Variants in STK38 observed in about 807,000 individuals in gnomAD.
STK38 encodes serine/threonine-protein kinase 38.
A neutral mutation model predicts 59.0 loss-of-function variants in STK38; 26 were observed. The ratio of observed to expected loss-of-function variants is 0.44; its 90% CI spans 0.32 to 0.61. The LOEUF (loss-of-function observed/expected upper bound fraction) is 0.61, where lower values mean the gene tolerates loss of function less well. Among genes scored for constraint, STK38 ranks in the 20% least tolerant of loss-of-function variants. The pLI, the probability that STK38 is intolerant of heterozygous loss-of-function variation, is 0.04. For missense variants in STK38, 433 were observed against 566.0 expected, an observed-to-expected ratio of 0.76 and a Z score of 2.38; for synonymous variants, 175 against 176.6, an observed-to-expected ratio of 0.99 and a Z score of 0.07.
chr6:36,517,721 A>T lies in STK38; in HGVS notation c.510T>A (p.Pro170=). The T allele has an allele frequency of 6.2e-7, 1 of 1,612,974 alleles. No homozygotes were observed. The highest frequency in any genetic ancestry group is 8.5e-7 in the Non-Finnish European group (1 of 1,179,422). ...LNLYLIMEFL[P]GGDMMTLLMK... ...CTTTCATCGTCAAGTAATTACCTCC[A>T]GGCAGGAACTCCATGATTAGGTAGA... The change falls in exon 6 of 14, where the codon CCT becomes CCA. Residue 170 remains proline, a synonymous_variant. Transcript: ENST00000229812.
chr6:36,514,128 C>T (rs1433951624), intron 7 of STK38, among the ~76,000 whole-genome samples: 1 of 142,014 alleles, frequency 7.0e-6, no homozygotes, highest in African/African-American at 2.7e-5. Flanking sequence ...GCACTCCAGC[C>T]TGGGCGACAG....
At chr6:36,512,768 C>G (rs1234879530) in intron 7 of STK38, among the ~76,000 whole-genome samples, 1 of 151,528 alleles carries the variant, frequency 6.6e-6, no homozygotes, top group Non-Finnish European at 1.5e-5. Flanking sequence ...CAAGCTGATT[C>G]TCCTGCCTCA....
At chr6:36,531,944 AAC>A (rs1276357357) in intron 2 of STK38, among the ~76,000 whole-genome samples, 2 of 152,114 alleles carry the variant, frequency 1.3e-5, no homozygotes, top group African/African-American at 4.8e-5. Context: ...TGCTAGGAAT[AAC>A]AGATATTTTA....
intron 2 of STK38, among the ~76,000 whole-genome samples, chr6:36,533,095 A>T (rs1777707252): frequency 6.6e-6 from 1 of 151,554 alleles, no homozygotes; most frequent in Non-Finnish European, 1.5e-5. Flanking sequence ...GGTACACAAC[A>T]AAAAAAGATC....
At chr6:36,543,747 T>C (rs1417893407) in intron 1 of STK38, among the ~76,000 whole-genome samples, 1 of 152,166 alleles carries the variant, frequency 6.6e-6, no homozygotes, top group Non-Finnish European at 1.5e-5. Context: ...GTTCAAGCGA[T>C]TCTCCTGCCT....
chr6:36,503,762 T>C (rs953615937), intron 9 of STK38, among the ~76,000 whole-genome samples: 6 of 152,202 alleles, frequency 3.9e-5, no homozygotes, highest in Admixed American at 3.9e-4. Context: ...TTATAAAATA[T>C]AGCAAACAAC....
At chr6:36,538,670 G>A (rs1232967873) in intron 2 of STK38, among the ~76,000 whole-genome samples, 1 of 152,142 alleles carries the variant, frequency 6.6e-6, no homozygotes, top group African/African-American at 2.4e-5. Flanking sequence ...CACTTTGGGA[G>A]GCCAAGAGGT....
At position 36,517,580 on chromosome 6, in the gene STK38, C is replaced by T. The variant is rs545337505; in HGVS notation, c.514+137G>A. On this transcript the variant is annotated intron_variant, in intron 6 of 13. Coordinates refer to ENST00000229812, the MANE Select transcript of STK38 (RefSeq NM_007271.4). Reference sequence around the variant, plus strand: ...CAGCACAAGACAGGTTACTGACTTCCTTTATAGACCTAAAAAAGGATATAG... The same window carrying T: ...CAGCACAAGACAGGTTACTGACTTCTTTTATAGACCTAAAAAAGGATATAG... The T allele has an allele frequency of 2.8e-5, 32 of 1,142,188 alleles. No individual in the cohort carries two copies. The African/African-American group carries it at 4.2e-4, about 15-fold the overall frequency. The allele number at this position is 1,142,188 out of a possible 1,614,324, so 70.8% of individuals were successfully genotyped here.
chr6:36,539,945 A>G, intron 2 of STK38, 127 bp downstream of exon 2: 1 of 1,446,942 alleles, frequency 6.9e-7, no homozygotes, highest in Non-Finnish European at 9.2e-7. Flanking sequence ...TTTCACTGTC[A>G]TTCCATTATG....
intron 5 of STK38, among the ~76,000 whole-genome samples, chr6:36,520,285 T>G (rs944453362): frequency 1.3e-5 from 2 of 152,246 alleles, no homozygotes; most frequent in Non-Finnish European, 2.9e-5. Flanking sequence ...TTTACTTTCA[T>G]TTAGGAAAGT....
At chr6:36,514,894 G>A (rs1777213296) in intron 7 of STK38, among the ~76,000 whole-genome samples, 1 of 149,312 alleles carries the variant, frequency 6.7e-6, no homozygotes, top group Non-Finnish European at 1.5e-5. Context: ...TCTTCTTTAA[G>A]CAGAGAGCAT....
Position 36,525,591 on chromosome 6 carries a change from C to T in STK38, c.183G>A (p.Glu61=). ...GGAAAACATTGCCAATATTAATTAC[C>T]TCCTCATCTTTTAGGCCTTCTTCTT... ...VMEEEGLKDE[E]KRLRRSAHAR... is the part of the protein sequence containing the mutation. The change falls in exon 3 of 14, where the codon GAG becomes GAA. Residue 61 remains glutamate, a splice_region_variant and synonymous_variant. Transcript: ENST00000229812. The T allele has an allele frequency of 6.2e-7, 1 of 1,610,254 alleles. No individual in the cohort carries two copies. Among genetic ancestry groups the T allele is most frequent in the South Asian group, 1.1e-5 (1 of 90,948 alleles).
chr6:36,509,103 T>C (rs1190759037), intron 7 of STK38, among the ~76,000 whole-genome samples: 1 of 152,180 alleles, frequency 6.6e-6, no homozygotes, highest in Non-Finnish European at 1.5e-5. Flanking sequence ...TTCAGCCCTG[T>C]TTGTGTTACC....
chr6:36,503,626 A>C (rs1314056636), intron 9 of STK38, among the ~76,000 whole-genome samples: 4 of 152,216 alleles, frequency 2.6e-5, no homozygotes, highest in African/African-American at 9.7e-5. Context: ...TTACTCTACC[A>C]AAGATGAATG....
intron 1 of STK38, among the ~76,000 whole-genome samples, chr6:36,542,034 C>CA (rs1156543486): frequency 1.3e-5 from 2 of 151,912 alleles, no homozygotes; most frequent in Non-Finnish European, 2.9e-5. Context: ...GGGGTTTCAC[C>CA]ACACTGGTCA....
intron 8 of STK38, among the ~76,000 whole-genome samples, chr6:36,506,851 A>G (rs1402831911): frequency 1.3e-5 from 2 of 152,168 alleles, no homozygotes; most frequent in African/African-American, 4.8e-5. Context: ...AGACTCACAC[A>G]GAGTTGTAAA....
In STK38 at chr6:36,521,835, A is replaced by C. The variant is rs756141742; in HGVS notation, c.307-18T>G. ...AGCCGTACCTAAAAAGTTATAAAAGAAATGCCAAGTCAAAAACTCGTACTA... is the reference window on the plus strand; with the variant it reads ...AGCCGTACCTAAAAAGTTATAAAAGCAATGCCAAGTCAAAAACTCGTACTA... On this transcript the variant is annotated intron_variant, in intron 4 of 13. Transcript: ENST00000229812. The C allele has an allele frequency of 1.2e-6, 2 of 1,603,066 alleles. No individual in the cohort carries two copies. The highest frequency in any genetic ancestry group is 1.7e-6 in the Non-Finnish European group (2 of 1,175,782).
At chr6:36,515,662 A>G (rs1315591347) in intron 6 of STK38, among the ~76,000 whole-genome samples, 170 bp from the exon 7 acceptor site, 3 of 152,156 alleles carry the variant, frequency 2.0e-5, no homozygotes, top group Non-Finnish European at 2.9e-5. Flanking sequence ...CATGGCCAAC[A>G]TGGGAAGAAA....
chr6:36,527,207 A>AAAAAAAAAAAAAATATAT (rs60162863), intron 2 of STK38, among the ~76,000 whole-genome samples: 3 of 119,356 alleles, frequency 2.5e-5, no homozygotes, highest in African/African-American at 1.1e-4. Flanking sequence ...AAAAAAAAAA[A>AAAAAAAAAAAAAATATAT]ATATATGTAT....
Sources: allele counts gnomAD v4.1 joint callset (sites outside exome capture counted in the v4.1 genomes callset), GRCh38; gene constraint gnomAD v4.1.1; transcripts MANE v1.5; gene names NCBI Gene and HGNC (gene_info 2026-07-23, HGNC 2026-07-21).